The following ESRRG variants were observed in gnomAD, a reference collection of about 807,000 sequenced individuals.
ESRRG encodes the protein estrogen-related receptor gamma.
ESRRG carries 13 observed loss-of-function variants against 44.0 expected under a neutral mutation model. The observed-to-expected ratio is 0.30, with a 90% CI of 0.19 to 0.47. The LOEUF is 0.47. Among genes scored for constraint, ESRRG ranks in the 20% least tolerant of loss-of-function variants. The pLI is 1.00. For missense variants in ESRRG, 395 were observed against 580.6 expected (o/e 0.68, Z 3.29); for synonymous variants, 215 against 214.6 (o/e 1.00, Z -0.02).
chr1:217,119,014 G>T (rs944964521), intron 1 of ESRRG, among the ~76,000 whole-genome samples: 2 of 74,268 alleles, frequency 2.7e-5, no homozygotes, highest in Non-Finnish European at 7.0e-5. Flanking sequence ...TGGATAGATA[G>T]ATAGATAGAT....
At chr1:216,586,581 C>CT (rs752769234) in intron 3 of ESRRG, among the ~76,000 whole-genome samples, 9,653 of 124,048 alleles carry the variant, frequency 0.078, 631 homozygotes, top group East Asian at 0.15. Flanking sequence ...AACTTTTGGG[C>CT]TTTTTTTTTT....
chr1:216,713,114 A>G (rs1575638491), intron 1 of ESRRG, among the ~76,000 whole-genome samples: 1 of 152,318 alleles, frequency 6.6e-6, no homozygotes, highest in East Asian at 1.9e-4. Flanking sequence ...ATCAATAGTA[A>G]TCCAAAATCA....
At chr1:216,674,001 G>T (rs1203413215) in intron 2 of ESRRG, among the ~76,000 whole-genome samples, 1 of 152,204 alleles carries the variant, frequency 6.6e-6, no homozygotes, top group African/African-American at 2.4e-5. Context: ...GCTTATATCA[G>T]CGCACTCAGT....
chr1:216,686,281 A>G (rs572138269), intron 1 of ESRRG: 1 of 152,208 alleles, frequency 6.6e-6, no homozygotes, highest in South Asian at 2.1e-4. Context: ...TTTTAAATAA[A>G]CATTTCATCA....
At chr1:217,067,192 T>A (rs2089867114) in intron 1 of ESRRG, among the ~76,000 whole-genome samples, 1 of 152,234 alleles carries the variant, frequency 6.6e-6, no homozygotes, top group Non-Finnish European at 1.5e-5. Flanking sequence ...ATCCTTTATC[T>A]TTTACCTTTA....
chr1:216,950,950 A>T (rs2066857524), intron 1 of ESRRG, among the ~76,000 whole-genome samples: 1 of 152,170 alleles, frequency 6.6e-6, no homozygotes, highest in African/African-American at 2.4e-5. Context: ...TAAAACCGAG[A>T]TGTGATATCT....
chr1:216,912,415 A>G (rs888810955), intron 2 of ESRRG, among the ~76,000 whole-genome samples: 1 of 152,092 alleles, frequency 6.6e-6, no homozygotes, highest in Non-Finnish European at 1.5e-5. Context: ...CTGAAGTCTT[A>G]CAGTCATTCA....
At chr1:217,003,806 T>C (rs2077377078) in intron 1 of ESRRG, among the ~76,000 whole-genome samples, 1 of 151,844 alleles carries the variant, frequency 6.6e-6, no homozygotes, top group Admixed American at 6.6e-5. Context: ...TTATTTTCAG[T>C]CTGTTGTTTT....
intron 1 of ESRRG, among the ~76,000 whole-genome samples, chr1:217,048,322 G>A (rs936240318): frequency 1.9e-4 from 29 of 152,120 alleles, no homozygotes; most frequent in Admixed American, 8.5e-4. Flanking sequence ...GATGGAACAC[G>A]GAGTCAGACT....
chr1:216,752,385 A>G (rs979852882), intron 2 of ESRRG, among the ~76,000 whole-genome samples: 4 of 152,070 alleles, frequency 2.6e-5, no homozygotes, highest in Non-Finnish European at 5.9e-5. Flanking sequence ...AGAGGTAGGC[A>G]CTCTGCAACA....
At chr1:216,777,896 G>A (rs1553602308) in intron 2 of ESRRG, among the ~76,000 whole-genome samples, 1 of 152,002 alleles carries the variant, frequency 6.6e-6, no homozygotes, top group Non-Finnish European at 1.5e-5. Context: ...TCTCTTCCAT[G>A]CTGACTTATG....
chr1:216,819,507 C>T (rs2095240815), intron 2 of ESRRG, among the ~76,000 whole-genome samples: 1 of 152,152 alleles, frequency 6.6e-6, no homozygotes, highest in Non-Finnish European at 1.5e-5. Context: ...TGGAATGGTC[C>T]TTTGCCATAT....
At chr1:216,896,074 A>G (rs1384249410) in intron 2 of ESRRG, among the ~76,000 whole-genome samples, 1 of 152,230 alleles carries the variant, frequency 6.6e-6, no homozygotes, top group Non-Finnish European at 1.5e-5. Flanking sequence ...GATTTCTTAC[A>G]TTACATCACG....
chr1:216,787,362 TG>T (rs1215370043), intron 2 of ESRRG, among the ~76,000 whole-genome samples: 3 of 151,994 alleles, frequency 2.0e-5, no homozygotes, highest in African/African-American at 7.2e-5. Flanking sequence ...CCCAGCACTT[TG>T]GGAGACCAAG....
intron 1 of ESRRG, among the ~76,000 whole-genome samples, chr1:217,055,497 A>G (rs2086896137): frequency 6.6e-6 from 1 of 152,156 alleles, no homozygotes; most frequent in South Asian, 2.1e-4. Context: ...TATGCACTTT[A>G]TATAACATTT....
At chr1:216,760,155 C>T (rs984819622) in intron 2 of ESRRG, among the ~76,000 whole-genome samples, 1 of 151,888 alleles carries the variant, frequency 6.6e-6, no homozygotes, top group African/African-American at 2.4e-5. Flanking sequence ...GCGCAAGGGA[C>T]CATGCCTGGT....
intron 6 of ESRRG, among the ~76,000 whole-genome samples, chr1:216,517,012 C>T (rs921824564): frequency 1.3e-5 from 2 of 152,030 alleles, no homozygotes; most frequent in African/African-American, 4.8e-5. Flanking sequence ...TTAAAATAGT[C>T]CTTAGAGTTC....
intron 1 of ESRRG, among the ~76,000 whole-genome samples, chr1:217,075,078 C>T (rs1011944533): frequency 6.6e-6 from 1 of 152,202 alleles, no homozygotes; most frequent in Non-Finnish European, 1.5e-5. Flanking sequence ...CACGAAAAGT[C>T]AGCCCTCTGG....
At position 216,989,012 on chromosome 1, in the gene ESRRG, T is replaced by C. The variant is rs535960157; in HGVS notation, c.-105-49339A>G. 9.8e-5 allele frequency among the ~76,000 whole-genome samples: 15 copies of C among 152,310 alleles called. No individual in the cohort carries two copies. In the East Asian group the frequency reaches 2.9e-3, roughly 29 times the overall value. On this transcript the variant is annotated intron_variant, in intron 1 of 7. Coordinates refer to the ESRRG transcript ENST00000359162. The stretch of plus-strand genomic sequence containing the variant: ...ACAATCACACTTCCACCATGAGACT[T>C]GAAAGGCAGATGCTGGAGATAGAGC...
Sources: gnomAD v4.1 joint callset for allele counts (sites outside exome capture counted in the v4.1 genomes callset) on GRCh38, gnomAD v4.1.1 for gene constraint, MANE v1.5 for transcripts, NCBI Gene and HGNC (gene_info 2026-07-23, HGNC 2026-07-21) for gene names.